Variants in GRIA3 observed in about 807,000 individuals in gnomAD.
GRIA3 encodes the protein glutamate receptor 3.
GRIA3 carries 3 observed loss-of-function variants against 63.0 expected under a neutral mutation model. The ratio of observed to expected loss-of-function variants is 0.05; its 90% CI spans 0.02 to 0.12. The LOEUF is 0.12. Among genes scored for constraint, GRIA3 ranks in the 10% least tolerant of loss-of-function variants. The probability of loss-of-function intolerance (pLI) is 1.00; values close to 1 mark genes in which losing one functional copy is unlikely to be tolerated. For missense variants in GRIA3, 347 were observed against 700.9 expected, an observed-to-expected ratio of 0.50 and a Z score of 5.70; for synonymous variants, 274 against 257.9, an observed-to-expected ratio of 1.06 and a Z score of -0.60.
At chrX:123,427,658 C>T (rs1353252744) in intron 11 of GRIA3, among the ~76,000 whole-genome samples, 2 of 111,506 alleles carry the variant, frequency 1.8e-5, no homozygotes, top group Admixed American at 1.9e-4. Flanking sequence ...GTCTGGGCAA[C>T]ATAGAGAGAC....
At chrX:123,213,425 C>T (rs1928087301) in intron 2 of GRIA3, among the ~76,000 whole-genome samples, 3 of 111,971 alleles carry the variant, frequency 2.7e-5, no homozygotes, top group Admixed American at 1.9e-4. Context: ...ACATATTGTA[C>T]AGATGAAGGG....
intron 12 of GRIA3, among the ~76,000 whole-genome samples, chrX:123,430,767 G>A (rs1832227): frequency 0.26 from 28,452 of 109,932 alleles, 3,739 homozygotes; most frequent in Non-Finnish European, 0.39. Context: ...GGCAGATCAC[G>A]AGCTCAGGAG....
chrX:123,483,138 T>C, intron 15 of GRIA3, 92 bp downstream of exon 15: 2 of 765,574 alleles, frequency 2.6e-6, no homozygotes, highest in Non-Finnish European at 3.9e-6. Flanking sequence ...GTTTGGTTTA[T>C]TGTTCAAAGC....
chrX:123,381,418 G>A (rs186794798), intron 5 of GRIA3, among the ~76,000 whole-genome samples: 145 of 111,862 alleles, frequency 1.3e-3, no homozygotes, highest in African/African-American at 4.4e-3. Flanking sequence ...CCTGTGCTGT[G>A]TGAGTATCTT....
intron 2 of GRIA3, among the ~76,000 whole-genome samples, chrX:123,192,895 C>T (rs900818733): frequency 1.1e-4 from 12 of 110,917 alleles, no homozygotes; most frequent in Non-Finnish European, 1.9e-4. Flanking sequence ...CAAGAATTTG[C>T]ATTTTTAGCA....
At chrX:123,454,412 G>C (rs1367102368) in intron 12 of GRIA3, among the ~76,000 whole-genome samples, 1 of 111,624 alleles carries the variant, frequency 9.0e-6, no homozygotes, top group Non-Finnish European at 1.9e-5. Flanking sequence ...CCTTGAAATG[G>C]ACCTGGAACA....
intron 11 of GRIA3, among the ~76,000 whole-genome samples, chrX:123,426,668 T>C (rs1231549080): frequency 8.9e-6 from 1 of 112,456 alleles, no homozygotes; most frequent in Admixed American, 9.4e-5. Context: ...GTGCAGATTC[T>C]TGGGCATTCA....
chrX:123,317,072 C>T (rs935709852), intron 3 of GRIA3, among the ~76,000 whole-genome samples: 4 of 110,517 alleles, frequency 3.6e-5, no homozygotes, highest in Admixed American at 1.9e-4. Context: ...TACATGGTGG[C>T]GGCAAGAAAA....
chrX:123,413,330 T>C (rs1291393644), intron 10 of GRIA3, among the ~76,000 whole-genome samples: 1 of 109,820 alleles, frequency 9.1e-6, no homozygotes, highest in Admixed American at 9.8e-5. Context: ...CTCCTAGAAC[T>C]ATCTTTTAGA....
intron 3 of GRIA3, among the ~76,000 whole-genome samples, chrX:123,301,283 C>T (rs770573886): frequency 9.0e-6 from 1 of 111,285 alleles, no homozygotes; most frequent in South Asian, 3.7e-4. Context: ...AAGTATCCCA[C>T]TATTATTGTC....
intron 12 of GRIA3, among the ~76,000 whole-genome samples, chrX:123,463,365 T>C (rs905063900): frequency 7.5e-5 from 8 of 107,241 alleles, no homozygotes; most frequent in Admixed American, 1.0e-4. Flanking sequence ...CTAGGAAACA[T>C]AGTGAGACCT....
intron 10 of GRIA3, among the ~76,000 whole-genome samples, chrX:123,406,451 G>C (rs1160816506): frequency 9.0e-6 from 1 of 111,697 alleles, no homozygotes; most frequent in Non-Finnish European, 1.9e-5. Context: ...GCAAGAATAA[G>C]GTATAGCTCT....
At chrX:123,240,494 T>C (rs982920369) in intron 2 of GRIA3, among the ~76,000 whole-genome samples, 1 of 111,502 alleles carries the variant, frequency 9.0e-6, no homozygotes, top group Non-Finnish European at 1.9e-5. Context: ...TTTTCAAGAG[T>C]TGCTGTCCAT....
chrX:123,292,682 A>C, intron 3 of GRIA3, among the ~76,000 whole-genome samples: 1 of 111,350 alleles, frequency 9.0e-6, no homozygotes, highest in African/African-American at 3.3e-5. Flanking sequence ...CTTAAAACCT[A>C]AGCTCAGTAA....
At chrX:123,204,470 C>T in intron 2 of GRIA3, 1 of 1,159,953 alleles carries the variant, frequency 8.6e-7, no homozygotes, top group Non-Finnish European at 1.2e-6. Flanking sequence ...CTTGAGTTCT[C>T]AACTGAGTGA....
chrX:123,345,491 CA>C (rs2045041831), intron 4 of GRIA3, among the ~76,000 whole-genome samples: 3 of 106,023 alleles, frequency 2.8e-5, no homozygotes, highest in Non-Finnish European at 5.9e-5. Context: ...CACACACACA[CA>C]CACCTCCTTC....
At chrX:123,291,932 A>C (rs1449434563) in intron 3 of GRIA3, among the ~76,000 whole-genome samples, 1 of 111,449 alleles carries the variant, frequency 9.0e-6, no homozygotes, top group African/African-American at 3.3e-5. Context: ...CTGGGCACCT[A>C]CTAGGTGCCA....
At position 123,468,391 on chromosome X, in the gene GRIA3, T is replaced by A. The variant is rs1467788554; in HGVS notation, c.2324+3279T>A. 6.2e-5 allele frequency among the ~76,000 whole-genome samples: 7 copies of A among 112,180 alleles called. 1 individual carries two copies. The East Asian group carries it at 1.9e-3, about 31-fold the overall frequency. On this transcript the variant is annotated intron_variant, in intron 13 of 15. Transcript: ENST00000620443. ...GTGATAAACTAGACAGGGACCAGTC[T>A]ACAAGTTAACTTTATATTATCAGGC...
intron 10 of GRIA3, among the ~76,000 whole-genome samples, chrX:123,406,991 A>T (rs941007457): frequency 8.9e-6 from 1 of 112,002 alleles, no homozygotes; most frequent in Non-Finnish European, 1.9e-5. Flanking sequence ...CTCTTGGCAC[A>T]TTACCTGATA....
Sources: gnomAD v4.1 joint callset for allele counts (sites outside exome capture counted in the v4.1 genomes callset) on GRCh38, gnomAD v4.1.1 for gene constraint, MANE v1.5 for transcripts, NCBI Gene and HGNC (gene_info 2026-07-23, HGNC 2026-07-21) for gene names.